TACR3: variants seen among roughly 807,000 people sequenced by gnomAD.
The protein encoded by TACR3 is tachykinin receptor 3.
Under a neutral mutation model 35.0 loss-of-function variants are expected in TACR3, and 34 were observed. The ratio of observed to expected loss-of-function variants is 0.97; its 90% CI spans 0.74 to 1.30. The LOEUF is 1.30. TACR3 is among the 50% of genes most tolerant of loss of function. The probability of loss-of-function intolerance (pLI) is 0.00; values close to 1 mark genes in which losing one functional copy is unlikely to be tolerated. For synonymous variants in TACR3, 233 were observed against 221.1 expected (o/e 1.05, Z -0.48); for missense variants, 558 against 591.7 (o/e 0.94, Z 0.59).
intron 1 of TACR3, among the ~76,000 whole-genome samples, chr4:103,684,552 C>T (rs1028308813): frequency 1.6e-4 from 25 of 151,918 alleles, no homozygotes; most frequent in African/African-American, 4.8e-4. Flanking sequence ...AAATAAAGAC[C>T]GAAATAGGTG....
In TACR3 at chr4:103,588,137, A is replaced by G. The variant is rs1723813118; in HGVS notation, c.*1545T>C. 6.6e-6 allele frequency: 1 copy of G among 152,082 alleles called. No homozygotes were observed. The highest frequency in any genetic ancestry group is 1.5e-5 in the Non-Finnish European group (1 of 67,980). 9.4% of individuals were successfully genotyped at this position (152,082 alleles called of 1,614,324 possible). A position where few individuals can be genotyped will look rare whatever the true frequency, so the allele number is the denominator to read the frequency against. ...AATAGGGAAGAGATTTGAGAAATAG[A>G]CCATGATTTGCCATTGAATATTTGC... is the stretch of plus-strand genomic sequence containing the variant. On this transcript the variant is annotated 3_prime_UTR_variant, in exon 5 of 5. Coordinates refer to ENST00000304883, the MANE Select transcript of TACR3 (RefSeq NM_001059.3).
Position 103,643,672 on chromosome 4 carries a change from G to T in TACR3, c.888+12522C>A, listed in dbSNP as rs1461204934. ...GGATTTTTGTGAGGATGAGTACAACGATATATGTCAAAGCTCTATATAATG... is the reference window on the plus strand; with the variant it reads ...GGATTTTTGTGAGGATGAGTACAACTATATATGTCAAAGCTCTATATAATG... On this transcript the variant is annotated intron_variant, in intron 3 of 4. Transcript: ENST00000304883. 9.2e-5 allele frequency among the ~76,000 whole-genome samples: 14 copies of T among 151,696 alleles called. No homozygotes were observed. In the Admixed American group the frequency reaches 9.2e-4, roughly 10 times the overall value.
rs377706664 is a variant in TACR3, at chr4:103,650,811, A to AAT, written c.888+5381_888+5382dup. On this transcript the variant is annotated intron_variant, in intron 3 of 4. Coordinates refer to ENST00000304883, the MANE Select transcript of TACR3 (RefSeq NM_001059.3). ...ATGATATATATATTTTATATATAAT[A>AAT]ATATATTATATAATAATATATATAT... 7.1e-3 allele frequency among the ~76,000 whole-genome samples: 28 copies of AAT among 3,960 alleles called. 8 individuals carry two copies. Among genetic ancestry groups the AAT allele is most frequent in the African/African-American group, 0.025 (3 of 118 alleles). The allele number at this position is 3,960 out of a possible 152,430, so 2.6% of individuals were successfully genotyped here. A position where few individuals can be genotyped will look rare whatever the true frequency, so the allele number is the denominator to read the frequency against.
intron 1 of TACR3, among the ~76,000 whole-genome samples, chr4:103,696,001 T>C (rs185687864): frequency 6.6e-6 from 1 of 152,284 alleles, no homozygotes; most frequent in East Asian, 1.9e-4. Flanking sequence ...CTTTTTTTCT[T>C]TTCTATTCTA....
chr4:103,646,554 T>C (rs958670268), intron 3 of TACR3, among the ~76,000 whole-genome samples: 7 of 152,032 alleles, frequency 4.6e-5, no homozygotes, highest in African/African-American at 7.2e-5. Context: ...TCATTGGTCT[T>C]GTAGCATTTA....
intron 1 of TACR3, among the ~76,000 whole-genome samples, chr4:103,668,895 T>G (rs1427900214): frequency 1.3e-5 from 2 of 152,092 alleles, no homozygotes; most frequent in Admixed American, 1.3e-4. Context: ...TATGTGATAT[T>G]TTGATAAAAT....
At chr4:103,709,833 CAA>C (rs201449414) in intron 1 of TACR3, among the ~76,000 whole-genome samples, 1 of 149,626 alleles carries the variant, frequency 6.7e-6, no homozygotes, top group African/African-American at 2.5e-5. Flanking sequence ...AAATGGAAAA[CAA>C]AAAAAAATGC....
At chr4:103,618,243 T>G (rs766456104) in intron 3 of TACR3, among the ~76,000 whole-genome samples, 1 of 152,302 alleles carries the variant, frequency 6.6e-6, no homozygotes, top group South Asian at 2.1e-4. Context: ...CATTTTAAGT[T>G]AATTTTTGTA....
At chr4:103,713,318 T>C (rs538053118) in intron 1 of TACR3, among the ~76,000 whole-genome samples, 24 of 152,050 alleles carry the variant, frequency 1.6e-4, no homozygotes, top group African/African-American at 5.8e-4. Context: ...AGTTGTCCTT[T>C]GTAGGGACAT....
intron 3 of TACR3, among the ~76,000 whole-genome samples, chr4:103,593,668 C>A (rs1043092576): frequency 6.6e-6 from 1 of 152,100 alleles, no homozygotes; most frequent in Non-Finnish European, 1.5e-5. Context: ...CTCCCTCTAC[C>A]TAGAACACTC....
intron 1 of TACR3, among the ~76,000 whole-genome samples, chr4:103,689,981 C>T (rs988393450): frequency 2.0e-5 from 3 of 151,902 alleles, no homozygotes; most frequent in Non-Finnish European, 4.4e-5. Flanking sequence ...ATTAATTGCA[C>T]ACAAGAGAGC....
chr4:103,645,342 T>C (rs1312420999), intron 3 of TACR3, among the ~76,000 whole-genome samples: 1 of 151,970 alleles, frequency 6.6e-6, no homozygotes, highest in East Asian at 1.9e-4. Flanking sequence ...TTCAGCTTGC[T>C]ATACTGGATA....
At chr4:103,704,596 C>A (rs28438896) in intron 1 of TACR3, among the ~76,000 whole-genome samples, 1 of 151,958 alleles carries the variant, frequency 6.6e-6, no homozygotes, top group Admixed American at 6.6e-5. Flanking sequence ...TCAGATCCCA[C>A]GAGAACTCAC....
At chr4:103,654,692 AT>A (rs1373824219) in intron 3 of TACR3, among the ~76,000 whole-genome samples, 1 of 148,490 alleles carries the variant, frequency 6.7e-6, no homozygotes, top group African/African-American at 2.5e-5. Flanking sequence ...AACTTAAAGT[AT>A]AATAATAATA....
chr4:103,677,629 C>T (rs1578253678), intron 1 of TACR3, among the ~76,000 whole-genome samples: 1 of 152,152 alleles, frequency 6.6e-6, no homozygotes, highest in Non-Finnish European at 1.5e-5. Flanking sequence ...ACTGCATGCT[C>T]TTATTTAGAA....
intron 3 of TACR3, among the ~76,000 whole-genome samples, chr4:103,605,592 T>G (rs1446606022): frequency 6.6e-6 from 1 of 151,990 alleles, no homozygotes; most frequent in African/African-American, 2.4e-5. Context: ...TGATGAACAT[T>G]TTTTCATGTG....
intron 3 of TACR3, among the ~76,000 whole-genome samples, chr4:103,640,001 G>C (rs1301778456): frequency 2.0e-5 from 3 of 151,788 alleles, no homozygotes; most frequent in Non-Finnish European, 4.4e-5. Flanking sequence ...TCATGAATAG[G>C]GCAAAGTAAG....
chr4:103,638,999 A>T (rs1032922398), intron 3 of TACR3, among the ~76,000 whole-genome samples: 8 of 152,182 alleles, frequency 5.3e-5, no homozygotes, highest in African/African-American at 1.9e-4. Context: ...GTGGGACTGT[A>T]AACTAGTTCA....
rs558705742 is a variant in TACR3 at position 103,621,750 on chromosome 4, G to T, written c.889-30067C>A. ...ATTTCAGAGCAAAAATTATTATTTAGTTTTTACCAGCTTACTTTGAAGCGT... is the reference window on the plus strand; with the variant it reads ...ATTTCAGAGCAAAAATTATTATTTATTTTTTACCAGCTTACTTTGAAGCGT... On this transcript the variant is annotated intron_variant, in intron 3 of 4. Coordinates refer to ENST00000304883, the MANE Select transcript of TACR3 (RefSeq NM_001059.3). 2.0e-5 allele frequency among the ~76,000 whole-genome samples: 3 copies of T among 152,282 alleles called. No individual in the cohort carries two copies. In the East Asian group the frequency reaches 5.8e-4, roughly 29 times the overall value.
Sources: gnomAD v4.1 joint callset for allele counts (sites outside exome capture counted in the v4.1 genomes callset) on GRCh38, gnomAD v4.1.1 for gene constraint, MANE v1.5 for transcripts, NCBI Gene and HGNC (gene_info 2026-07-23, HGNC 2026-07-21) for gene names.